TMEM98: variants seen among roughly 807,000 people sequenced by gnomAD.
The protein encoded by TMEM98 is transmembrane protein 98.
TMEM98 carries 18 observed loss-of-function variants against 25.0 expected under a neutral mutation model. The ratio of observed to expected loss-of-function variants is 0.72; its 90% confidence interval spans 0.50 to 1.07. TMEM98 has a LOEUF of 1.07. Among genes scored for constraint, TMEM98 ranks in the 50% least tolerant of loss-of-function variants. The pLI, the probability that TMEM98 is intolerant of heterozygous loss-of-function variation, is 0.00. For synonymous variants in TMEM98, 103 were observed against 112.4 expected, an observed-to-expected ratio of 0.92 and a Z score of 0.53; for missense variants, 241 against 289.0, an observed-to-expected ratio of 0.83 and a Z score of 1.20.
At chr17:32,937,258 G>A (rs544535827) in intron 6 of TMEM98, among the ~76,000 whole-genome samples, 2 of 152,196 alleles carry the variant, frequency 1.3e-5, no homozygotes, top group African/African-American at 4.8e-5. Flanking sequence ...GGGCCCACAC[G>A]TTCCTTGTTG....
chr17:32,934,769 C>T (rs920096310), intron 5 of TMEM98, among the ~76,000 whole-genome samples: 1 of 152,218 alleles, frequency 6.6e-6, no homozygotes, highest in East Asian at 1.9e-4. Context: ...CACTAGCCTT[C>T]TTTGGCTGTG....
intron 1 of TMEM98, among the ~76,000 whole-genome samples, chr17:32,928,456 C>G (rs1371451957): frequency 6.7e-6 from 1 of 149,020 alleles, no homozygotes; most frequent in Non-Finnish European, 1.5e-5. Context: ...GGGGGTCCCT[C>G]CCTCCCGGGG....
chr17:32,937,053 G>A (rs568675980), intron 6 of TMEM98, among the ~76,000 whole-genome samples: 9 of 152,368 alleles, frequency 5.9e-5, no homozygotes, highest in African/African-American at 1.9e-4. Context: ...GATATCGTGA[G>A]GAAAAATAAA....
chr17:32,933,962 G>T (rs1214596313), intron 4 of TMEM98, among the ~76,000 whole-genome samples: 1 of 152,120 alleles, frequency 6.6e-6, no homozygotes, highest in African/African-American at 2.4e-5. Context: ...AAGATGAGGA[G>T]GAGTTCCCCA....
At position 32,939,367 on chromosome 17, in the gene TMEM98, A is replaced by G. The variant is rs1039721700; in HGVS notation, c.414-110A>G. On this transcript the variant is annotated intron_variant, in intron 6 of 7. Transcript: ENST00000579849. ...TGTTGCAGTGAGCTGAGATAGCACC[A>G]CTGCACTCCAGCCTGGGTGACAGAG... The G allele has an allele frequency of 5.4e-6, 6 of 1,109,824 alleles. No homozygotes were observed. In the African/African-American group the frequency reaches 6.2e-5, roughly 12 times the overall value. 68.7% of individuals were successfully genotyped at this position (1,109,824 alleles called of 1,614,324 possible).
At chr17:32,933,933 C>T (rs760596478) in intron 4 of TMEM98, among the ~76,000 whole-genome samples, 24 of 152,284 alleles carry the variant, frequency 1.6e-4, no homozygotes, top group Non-Finnish European at 3.2e-4. Flanking sequence ...GAGGAGGTGC[C>T]TTTTGACTTG....
At chr17:32,934,235 T>C in intron 4 of TMEM98, 56 bp from the exon 5 acceptor site, 1 of 1,606,042 alleles carries the variant, frequency 6.2e-7, no homozygotes, top group Non-Finnish European at 8.5e-7. Context: ...GGGTGGGAGC[T>C]GGAGGGTGGT....
intron 6 of TMEM98, among the ~76,000 whole-genome samples, chr17:32,937,192 C>T (rs1009604088): frequency 6.6e-6 from 1 of 152,226 alleles, no homozygotes; most frequent in African/African-American, 2.4e-5. Context: ...CCTCCGCCCA[C>T]CCGGGAGGGC....
intron 1 of TMEM98, among the ~76,000 whole-genome samples, chr17:32,929,778 C>T (rs905472216): frequency 6.6e-6 from 1 of 152,198 alleles, no homozygotes; most frequent in Admixed American, 6.5e-5. Context: ...CTGGCAAACT[C>T]CTGCTCATCC....
chr17:32,939,696 G>A (rs114749027), intron 7 of TMEM98, among the ~76,000 whole-genome samples, 160 bp downstream of exon 7: 2,238 of 152,282 alleles, frequency 0.015, 68 homozygotes, highest in African/African-American at 0.05. Context: ...AGTGAGCGGC[G>A]CCTGACTGGG....
intron 1 of TMEM98, among the ~76,000 whole-genome samples, chr17:32,928,844 CAGA>C (rs1175127635): frequency 1.4e-5 from 2 of 146,744 alleles, no homozygotes; most frequent in Non-Finnish European, 2.9e-5. Flanking sequence ...AGCTCACACA[CAGA>C]AGCACACTCA....
At chr17:32,940,221 T>G (rs1401346564) in intron 7 of TMEM98, among the ~76,000 whole-genome samples, 1 of 152,216 alleles carries the variant, frequency 6.6e-6, no homozygotes, top group Non-Finnish European at 1.5e-5. Context: ...TGCATCATGG[T>G]ACTAACCATA....
chr17:32,940,806 C>T lies in TMEM98; in HGVS notation c.494C>T (p.Ser165Phe). 6.2e-7 allele frequency: 1 copy of T among 1,614,084 alleles called. No individual in the cohort carries two copies. Among genetic ancestry groups the T allele is most frequent in the Non-Finnish European group, 8.5e-7 (1 of 1,179,966 alleles). ...LDARTTALLL[S>F]VSHLVLVTRN... ...CCTAGGACGACTGCCCTGCTCCTGT[C>T]TGTCAGTCACCTGGTGCTGGTGACA... is the stretch of plus-strand genomic sequence containing the variant. Residue 165 changes from serine to phenylalanine, a missense_variant, in exon 8 of 8, where the codon TCT (serine) becomes TTT (phenylalanine). Physicochemically the swap from Ser to Phe is radical, Grantham distance 155. Coordinates refer to ENST00000579849, the MANE Select transcript of TMEM98 (RefSeq NM_015544.3).
In TMEM98 at chr17:32,940,719, A is replaced by G. The variant is rs1011507421; in HGVS notation, c.474-67A>G. ...GGAATACTAGTCAAAAAGTCTATCT[A>G]TTTGGGCTTTTGTGCAAAGTCCCTC... On this transcript the variant is annotated intron_variant, in intron 7 of 7. Transcript: ENST00000579849. The G allele has an allele frequency of 7.4e-6, 11 of 1,477,658 alleles. No individual in the cohort carries two copies. In the Middle Eastern group the frequency reaches 8.8e-4, roughly 119 times the overall value. The allele number at this position is 1,477,658 out of a possible 1,614,324, so 91.5% of individuals were successfully genotyped here.
rs1191483538 is a variant in TMEM98 at position 32,942,621 on chromosome 17, C to T, written c.*1628C>T. The T allele has an allele frequency of 6.6e-6, 1 of 152,210 alleles. No homozygotes were observed. Among genetic ancestry groups the T allele is most frequent in the East Asian group, 1.9e-4 (1 of 5,196 alleles). The allele number at this position is 152,210 out of a possible 1,614,324, so 9.4% of individuals were successfully genotyped here. A position where few individuals can be genotyped will look rare whatever the true frequency, so the allele number is the denominator to read the frequency against. ...CAGAACCACAGCTGGGATATGGAGT[C>T]AGGAGAGGGAAGCTGGAGCTCAACT... On this transcript the variant is annotated 3_prime_UTR_variant, in exon 8 of 8. Coordinates refer to ENST00000579849, the MANE Select transcript of TMEM98 (RefSeq NM_015544.3).
At chr17:32,929,503 G>A (rs1371871135) in intron 1 of TMEM98, among the ~76,000 whole-genome samples, 5 of 152,100 alleles carry the variant, frequency 3.3e-5, no homozygotes, top group African/African-American at 1.2e-4. Context: ...AGACATAAGA[G>A]GAGGCAGAAA....
rs2091542550 is a variant in TMEM98 at position 32,943,771 on chromosome 17, C to T, written c.*2778C>T. On this transcript the variant is annotated 3_prime_UTR_variant, in exon 8 of 8. Transcript: ENST00000579849. ...TATGTGTGAGCTGCCCAATTGTGGG[C>T]CTGGTTCTGATTAGCCAATGTTAAC... 1 of 152,066 alleles carries T rather than the reference C, an allele frequency of 6.6e-6. No individual in the cohort carries two copies. The highest frequency in any genetic ancestry group is 1.5e-5 in the Non-Finnish European group (1 of 68,028). The allele number at this position is 152,066 out of a possible 1,614,324, so 9.4% of individuals were successfully genotyped here.
rs772398487 is a variant in TMEM98 at position 32,933,318 on chromosome 17, G to A, written c.263+13G>A. On this transcript the variant is annotated intron_variant, in intron 4 of 7. Transcript: ENST00000579849. ...TCGAAGATGCCTCGTAAGGCCATGG[G>A]AACTGTTTGCTTCCGGGCTTCTGGC... The A allele has an allele frequency of 1.2e-6, 2 of 1,613,916 alleles. No individual in the cohort carries two copies. Among genetic ancestry groups the A allele is most frequent in the Admixed American group, 1.7e-5 (1 of 59,998 alleles).
chr17:32,940,901 T>C lies in TMEM98; in HGVS notation c.589T>C (p.Leu197=). Residue 197 remains leucine, a synonymous_variant, in exon 8 of 8, where the codon TTG becomes CTG. Coordinates refer to ENST00000579849, the MANE Select transcript of TMEM98 (RefSeq NM_015544.3). The part of the protein sequence containing the change: ...DQSLSAAEEH[L]EVLREAALAS... Reference sequence around the variant, plus strand: ...GTCTCTGTCGGCTGCTGAGGAGCATTTGGAAGTCCTTCGAGAAGCAGCCCT... The same window carrying C: ...GTCTCTGTCGGCTGCTGAGGAGCATCTGGAAGTCCTTCGAGAAGCAGCCCT... 1 of 1,614,170 alleles carries C rather than the reference T, an allele frequency of 6.2e-7. No homozygotes were observed.
Sources: allele counts gnomAD v4.1 joint callset (sites outside exome capture counted in the v4.1 genomes callset), GRCh38; gene constraint gnomAD v4.1.1; transcripts MANE v1.5; gene names NCBI Gene and HGNC (gene_info 2026-07-23, HGNC 2026-07-21).